MYO7B: variants seen among roughly 807,000 people sequenced by gnomAD.
The protein encoded by MYO7B is unconventional myosin-VIIb.
Under a neutral mutation model 259.7 loss-of-function variants are expected in MYO7B, and 212 were observed. The observed-to-expected ratio is 0.82, with a 90% confidence interval of 0.73 to 0.91. The LOEUF (loss-of-function observed/expected upper bound fraction) is 0.91, where lower values mean the gene tolerates loss of function less well. MYO7B is among the 40% of genes least tolerant of loss of function. MYO7B has a pLI of 0.00. For synonymous variants in MYO7B, 1,197 were observed against 1,166.4 expected, an observed-to-expected ratio of 1.03 and a Z score of -0.54; for missense variants, 2,732 against 2,813.5, an observed-to-expected ratio of 0.97 and a Z score of 0.66.
In MYO7B at chr2:127,637,427, C is replaced by G. The variant is rs369957142; in HGVS notation, c.*10C>G. ...CCTGGCCAGCACCTAGCAGCGGATGCTGGCGTGTCTGCTCAGGCGCCCTTC... is the reference window on the plus strand; with the variant it reads ...CCTGGCCAGCACCTAGCAGCGGATGGTGGCGTGTCTGCTCAGGCGCCCTTC... On this transcript the variant is annotated 3_prime_UTR_variant, in exon 48 of 48. Coordinates refer to ENST00000409816, the MANE Select transcript of MYO7B (RefSeq NM_001393586.1). The G allele has an allele frequency of 4.3e-5, 64 of 1,497,910 alleles. No individual in the cohort carries two copies. In the African/African-American group the frequency reaches 8.0e-4, roughly 19 times the overall value. The allele number at this position is 1,497,910 out of a possible 1,614,324, so 92.8% of individuals were successfully genotyped here. A position where few individuals can be genotyped will look rare whatever the true frequency, so the allele number is the denominator to read the frequency against.
chr2:127,618,806 T>G (rs1369063966), intron 26 of MYO7B, among the ~76,000 whole-genome samples: 1 of 152,106 alleles, frequency 6.6e-6, no homozygotes, highest in Non-Finnish European at 1.5e-5. Context: ...ATATTTGACT[T>G]CCAGAAAGAC....
rs1558844582 is a variant in MYO7B at position 127,624,278 on chromosome 2, A to C, written c.4005A>C (p.Gln1335His). 6.3e-7 allele frequency: 1 copy of C among 1,588,866 alleles called. No individual in the cohort carries two copies. The highest frequency in any genetic ancestry group is 8.6e-7 in the Non-Finnish European group (1 of 1,168,280). ...DPVSTELIYRQVLRGVWSGEY... is the reference protein window; with the variant it reads ...DPVSTELIYRHVLRGVWSGEY... ...TCAGCACCGAGCTTATTTACCGCCA[A>C]GTCCTCCGAGGAGTCTGGTCTGGCG... Residue 1335 changes from glutamine (Q) to histidine (H), a missense_variant, in exon 30 of 48, where the codon CAA becomes CAC. By Grantham distance (24) the Gln-to-His change is conservative (BLOSUM62 0). Transcript: ENST00000409816.
At chr2:127,626,758 G>A in intron 31 of MYO7B, 1 of 493,252 alleles carries the variant, frequency 2.0e-6, no homozygotes, top group South Asian at 2.3e-5. Context: ...CAGCCTGGGT[G>A]ACAGAGCGAG....
At chr2:127,543,730 C>G (rs1031835955) in intron 1 of MYO7B, among the ~76,000 whole-genome samples, 2 of 149,300 alleles carry the variant, frequency 1.3e-5, no homozygotes, top group Non-Finnish European at 1.5e-5. Context: ...CTCTCTGTTT[C>G]TCTCTCTCCA....
In MYO7B at chr2:127,577,938, G is replaced by A. The variant is rs992837017; in HGVS notation, c.850-195G>A. On this transcript the variant is annotated intron_variant, in intron 8 of 47. Transcript: ENST00000409816. This position sits in a 1 kb window ranked among gnomAD's most constrained non-coding sequence, Gnocchi z 5.2. ...GGCCAAGGTCACACAGTGGCCAAAT[G>A]CTGGTGCTGGTGGCAAGGCCTGATC... is the stretch of plus-strand genomic sequence containing the variant. Among the ~76,000 whole-genome samples, 13 of 152,388 alleles carry A rather than the reference G, an allele frequency of 8.5e-5. No homozygotes were observed. The highest frequency in any genetic ancestry group is 3.1e-4 in the African/African-American group (13 of 41,594).
intron 9 of MYO7B, 52 bp from the exon 10 acceptor site, chr2:127,580,694 T>C: frequency 6.5e-7 from 1 of 1,548,024 alleles, no homozygotes. Context: ...GGGACCTTGC[T>C]CCCATCGCTC....
chr2:127,576,423 G>A lies in MYO7B; in HGVS notation c.736-172G>A, dbSNP rs909365391. Among the ~76,000 whole-genome samples the A allele has an allele frequency of 6.6e-6, 1 of 152,106 alleles. No individual in the cohort carries two copies. Among genetic ancestry groups the A allele is most frequent in the Non-Finnish European group, 1.5e-5 (1 of 68,016 alleles). On this transcript the variant is annotated intron_variant, in intron 7 of 47. Coordinates refer to ENST00000409816, the MANE Select transcript of MYO7B (RefSeq NM_001393586.1). This position sits in a 1 kb window ranked among gnomAD's most constrained non-coding sequence, Gnocchi z 4.9. ...AGGGATGAGACAGCCGCGGAGGCCC[G>A]GGACAGGGACAGCAACCAAGCCAGG...
chr2:127,625,262 T>C (rs76175605), intron 30 of MYO7B, 106 bp from the exon 31 acceptor site: 61,337 of 1,312,144 alleles, frequency 0.047, 2,110 homozygotes, highest in South Asian at 0.15. Flanking sequence ...ACAGGTTAGC[T>C]CCCCTGTGAT....
intron 6 of MYO7B, among the ~76,000 whole-genome samples, chr2:127,571,090 T>A (rs1337054968): frequency 6.6e-6 from 1 of 152,204 alleles, no homozygotes; most frequent in Non-Finnish European, 1.5e-5. Context: ...TTCCCTTGGA[T>A]AAATATGCAA....
intron 1 of MYO7B, among the ~76,000 whole-genome samples, chr2:127,548,419 C>CTT (rs796457298): frequency 2.8e-4 from 38 of 136,618 alleles, no homozygotes; most frequent in African/African-American, 9.3e-4. Flanking sequence ...TTAGATTTTT[C>CTT]TTTTTTTTTT....
At position 127,597,248 on chromosome 2, in the gene MYO7B, G is replaced by A. The variant is rs34280534; in HGVS notation, c.2339+692G>A. Among the ~76,000 whole-genome samples, 3 of 152,192 alleles carry A rather than the reference G, an allele frequency of 2.0e-5. No homozygotes were observed. The highest frequency in any genetic ancestry group is 6.5e-5 in the Admixed American group (1 of 15,288). ...CAAACAGGCCCACGTGGTCAGAGGC[G>A]AGGCAGGCTGGCCACCCTGACTCCC... On this transcript the variant is annotated intron_variant, in intron 19 of 47. Transcript: ENST00000409816. This position sits in a 1 kb window ranked among gnomAD's most constrained non-coding sequence, Gnocchi z 4.8.
intron 6 of MYO7B, 26 bp downstream of exon 6, chr2:127,569,936 T>C: frequency 6.3e-7 from 1 of 1,597,954 alleles, no homozygotes; most frequent in Non-Finnish European, 8.5e-7. Context: ...GGACCCGCCC[T>C]TCTCCCCCAG....
At chr2:127,536,491 T>A (rs964992924) in intron 1 of MYO7B, among the ~76,000 whole-genome samples, 1 of 137,234 alleles carries the variant, frequency 7.3e-6, no homozygotes, top group African/African-American at 2.8e-5. Flanking sequence ...GGGGAAGAGG[T>A]GGCTGAGGAG....
rs760403230 is a variant in MYO7B at position 127,608,732 on chromosome 2, G to A, written c.2668G>A (p.Gly890Arg). The A allele has an allele frequency of 3.7e-6, 6 of 1,612,700 alleles. No individual in the cohort carries two copies. In the East Asian group the frequency reaches 8.9e-5, roughly 24 times the overall value. ...ANAPLVIPAE[G>R]QKSQGALPAK... ...GGCGCCGCTGGTCATCCCGGCCGAG[G>A]GGCAGAAAAGCCAAGGCGCTCTCCC... is the stretch of plus-strand genomic sequence containing the variant. Residue 890 changes from glycine (G) to arginine (R), a missense_variant, in exon 22 of 48, where the codon GGG becomes AGG. Gly to Arg is a moderately radical substitution (Grantham distance 125, BLOSUM62 -2). Transcript: ENST00000409816.
At chr2:127,594,096 CTG>C (rs1424568878) in intron 18 of MYO7B, among the ~76,000 whole-genome samples, 5 of 152,262 alleles carry the variant, frequency 3.3e-5, no homozygotes, top group African/African-American at 1.2e-4. Context: ...TGGAAGGGTG[CTG>C]TGTGTCAACT....
intron 31 of MYO7B, chr2:127,625,918 G>A (rs1681085437): frequency 9.6e-6 from 2 of 208,900 alleles, no homozygotes; most frequent in East Asian, 2.1e-4. Context: ...TCCCCTCGCT[G>A]GGTGCATGGG....
intron 1 of MYO7B, among the ~76,000 whole-genome samples, chr2:127,556,478 A>AG (rs1693640326): frequency 6.6e-6 from 1 of 152,120 alleles, no homozygotes; most frequent in African/African-American, 2.4e-5. Context: ...TTTGTTTTAT[A>AG]GGTCCTATGA....
chr2:127,606,193 C>G (rs1410053766), intron 20 of MYO7B, among the ~76,000 whole-genome samples: 2 of 152,206 alleles, frequency 1.3e-5, no homozygotes, highest in Non-Finnish European at 2.9e-5. Flanking sequence ...ACTAGGTGTC[C>G]TGCTCTGGAA....
chr2:127,624,302 C>T lies in MYO7B; in HGVS notation c.4029C>T (p.Gly1343=), dbSNP rs752873151. The stretch of plus-strand genomic sequence containing the variant: ...AAGTCCTCCGAGGAGTCTGGTCTGG[C>T]GAGTACAGCTTCGAGAAGGTGAGGG... ...YRQVLRGVWS[G]EYSFEKEEEL... The change falls in exon 30 of 48, where the codon GGC becomes GGT. Residue 1343 remains glycine, a synonymous_variant. Coordinates refer to ENST00000409816, the MANE Select transcript of MYO7B (RefSeq NM_001393586.1). 5.7e-6 allele frequency: 9 copies of T among 1,579,724 alleles called. No homozygotes were observed. The highest frequency in any genetic ancestry group is 2.3e-5 in the East Asian group (1 of 42,894).
Sources: allele counts gnomAD v4.1 joint callset (sites outside exome capture counted in the v4.1 genomes callset), GRCh38; gene constraint gnomAD v4.1.1; non-coding constraint Gnocchi (gnomAD v3.1); transcripts MANE v1.5; gene names NCBI Gene and HGNC (gene_info 2026-07-23, HGNC 2026-07-21).